The following MEI4 variants were observed in gnomAD, a reference collection of about 807,000 sequenced individuals.
MEI4 encodes the protein meiosis-specific protein MEI4.
Under a neutral mutation model 31.4 loss-of-function variants are expected in MEI4, and 27 were observed. That is an observed-to-expected ratio of 0.86 (90% CI 0.63 to 1.19). The LOEUF (loss-of-function observed/expected upper bound fraction) is 1.19, where lower values mean the gene tolerates loss of function less well. MEI4 is among the 50% of genes most tolerant of loss of function. The probability of loss-of-function intolerance (pLI) is 0.00; values close to 1 mark genes in which losing one functional copy is unlikely to be tolerated. For synonymous variants in MEI4, 122 were observed against 145.4 expected (o/e 0.84, Z 1.16); for missense variants, 329 against 398.9 (o/e 0.82, Z 1.49).
Position 77,731,479 on chromosome 6 carries a change from GT to G in MEI4, c.233-29644del, listed in dbSNP as rs777284801. ...TGCCCACTTTTTGATGGGGTTGTTT[GT>G]TTTTTTCTTGTAAATTTATTTGAGT... On this transcript the variant is annotated intron_variant, in intron 2 of 4. Coordinates refer to ENST00000684080, the MANE Select transcript of MEI4 (RefSeq NM_001322247.2). Among the ~76,000 whole-genome samples the G allele has an allele frequency of 6.0e-5, 9 of 151,130 alleles. No homozygotes were observed. In the South Asian group the frequency reaches 6.3e-4, roughly 11 times the overall value.
At chr6:77,766,270 A>G (rs1582119476) in intron 3 of MEI4, among the ~76,000 whole-genome samples, 1 of 152,106 alleles carries the variant, frequency 6.6e-6, no homozygotes. Flanking sequence ...AAGCTGTGCT[A>G]TGTTGCATCT....
At chr6:77,794,139 T>G (rs1417879623) in intron 3 of MEI4, among the ~76,000 whole-genome samples, 1 of 152,216 alleles carries the variant, frequency 6.6e-6, no homozygotes, top group Non-Finnish European at 1.5e-5. Flanking sequence ...AATAAAGGAA[T>G]GCAGGAGTGG....
chr6:77,853,421 AC>A (rs1006412030), intron 4 of MEI4, among the ~76,000 whole-genome samples: 32 of 152,322 alleles, frequency 2.1e-4, no homozygotes, highest in African/African-American at 7.7e-4. Flanking sequence ...AATAGCAAAA[AC>A]AAAAGTGCTA....
At chr6:77,669,421 A>G (rs1184145221) in intron 1 of MEI4, among the ~76,000 whole-genome samples, 1 of 152,220 alleles carries the variant, frequency 6.6e-6, no homozygotes, top group Non-Finnish European at 1.5e-5. Context: ...ACTTTTCTGC[A>G]CCATCTTTTG....
chr6:77,771,183 A>T (rs1400838040), intron 3 of MEI4, among the ~76,000 whole-genome samples: 1 of 152,230 alleles, frequency 6.6e-6, no homozygotes, highest in Non-Finnish European at 1.5e-5. Flanking sequence ...AGCATATGAA[A>T]AAAATGCTCA....
chr6:77,658,603 AC>A (rs1423851940), intron 1 of MEI4, among the ~76,000 whole-genome samples: 1 of 152,028 alleles, frequency 6.6e-6, no homozygotes, highest in Non-Finnish European at 1.5e-5. Flanking sequence ...CGGCGTGGGA[AC>A]CTAGAGTGGG....
chr6:77,911,386 T>C (rs1186004550), intron 4 of MEI4, among the ~76,000 whole-genome samples: 5 of 152,040 alleles, frequency 3.3e-5, no homozygotes, highest in East Asian at 1.9e-4. Context: ...CAGTTTGGTA[T>C]ACAAATGATC....
At chr6:77,880,521 T>C (rs143226165) in intron 4 of MEI4, among the ~76,000 whole-genome samples, 2 of 152,200 alleles carry the variant, frequency 1.3e-5, no homozygotes, top group South Asian at 2.1e-4. Context: ...ATGATAAATT[T>C]TGGGAGAAAA....
chr6:77,895,753 A>G (rs1044946514), intron 4 of MEI4, among the ~76,000 whole-genome samples: 1 of 152,128 alleles, frequency 6.6e-6, no homozygotes, highest in East Asian at 1.9e-4. Context: ...CCCAATAAAT[A>G]TTTGTGATAG....
At chr6:77,788,297 T>C (rs1768806025) in intron 3 of MEI4, among the ~76,000 whole-genome samples, 1 of 152,190 alleles carries the variant, frequency 6.6e-6, no homozygotes, top group East Asian at 1.9e-4. Flanking sequence ...GCCAATATCA[T>C]ACTGAATAGG....
intron 4 of MEI4, among the ~76,000 whole-genome samples, chr6:77,838,185 G>T (rs1430384052): frequency 6.6e-6 from 1 of 152,044 alleles, no homozygotes; most frequent in Non-Finnish European, 1.5e-5. Flanking sequence ...CAGATATTAT[G>T]TTTGACAATG....
chr6:77,745,496 C>G (rs1561970969), intron 2 of MEI4, among the ~76,000 whole-genome samples: 1 of 152,154 alleles, frequency 6.6e-6, no homozygotes, highest in Non-Finnish European at 1.5e-5. Context: ...TACATAGAGA[C>G]TTAGACTCCC....
intron 3 of MEI4, among the ~76,000 whole-genome samples, chr6:77,786,304 GTC>G (rs1768734865): frequency 6.6e-6 from 1 of 152,010 alleles, no homozygotes. Flanking sequence ...ATTATGAGCA[GTC>G]TCTCACTAAG....
At chr6:77,824,407 C>T (rs902976437) in intron 3 of MEI4, among the ~76,000 whole-genome samples, 2 of 152,236 alleles carry the variant, frequency 1.3e-5, no homozygotes, top group South Asian at 4.1e-4. Flanking sequence ...TAACTTTGAA[C>T]AAGTTAACTT....
intron 2 of MEI4, among the ~76,000 whole-genome samples, chr6:77,698,061 C>A (rs1461172907): frequency 2.0e-5 from 3 of 152,148 alleles, no homozygotes; most frequent in Non-Finnish European, 4.4e-5. Flanking sequence ...GGTTTAAAGT[C>A]TGTTTTATCA....
chr6:77,696,074 T>C (rs1312730993), intron 2 of MEI4, among the ~76,000 whole-genome samples: 2 of 152,216 alleles, frequency 1.3e-5, no homozygotes, highest in East Asian at 3.9e-4. Flanking sequence ...TTGTCTGTTC[T>C]TGGTGTATAA....
In MEI4 at chr6:77,924,123, A is replaced by T. The variant is rs2127744204; in HGVS notation, c.*777A>T. 1 of 151,884 alleles carries T rather than the reference A, an allele frequency of 6.6e-6. No individual in the cohort carries two copies. The highest frequency in any genetic ancestry group is 1.5e-5 in the Non-Finnish European group (1 of 67,818). 9.4% of individuals were successfully genotyped at this position (151,884 alleles called of 1,614,324 possible). On this transcript the variant is annotated 3_prime_UTR_variant, in exon 5 of 5. Transcript: ENST00000684080. The stretch of plus-strand genomic sequence containing the variant: ...AGTGAAATTTATAGTTATTTGGTGG[A>T]ATTTTTCAGTTATACAATTTCATTG...
At chr6:77,866,871 A>G (rs1004867833) in intron 4 of MEI4, among the ~76,000 whole-genome samples, 1 of 152,230 alleles carries the variant, frequency 6.6e-6, no homozygotes, top group African/African-American at 2.4e-5. Context: ...GTACCAAAAC[A>G]GAGATATAGA....
rs1361689064 is a variant in MEI4, at chr6:77,925,737, A to G, written c.*2391A>G. ...AGTGATGATAATTGCTATAACTCTT[A>G]TACTATTTAATATAAGCTATAATAA... On this transcript the variant is annotated 3_prime_UTR_variant, in exon 5 of 5. Transcript: ENST00000684080. 1 of 149,418 alleles carries G rather than the reference A, an allele frequency of 6.7e-6. No individual in the cohort carries two copies. The highest frequency in any genetic ancestry group is 2.4e-5 in the African/African-American group (1 of 40,998). 9.3% of individuals were successfully genotyped at this position (149,418 alleles called of 1,614,324 possible).
Sources: allele counts gnomAD v4.1 joint callset (sites outside exome capture counted in the v4.1 genomes callset), GRCh38; gene constraint gnomAD v4.1.1; transcripts MANE v1.5; gene names NCBI Gene and HGNC (gene_info 2026-07-23, HGNC 2026-07-21).